LARGE1: variants seen among roughly 807,000 people sequenced by gnomAD.
The protein encoded by LARGE1 is LARGE xylosyl- and glucuronyltransferase 1, also known as xylosyl- and glucuronyltransferase LARGE1.
A neutral mutation model predicts 87.6 loss-of-function variants in LARGE1; 43 were observed. The ratio of observed to expected loss-of-function variants is 0.49; its 90% CI spans 0.38 to 0.63. The LOEUF (loss-of-function observed/expected upper bound fraction) is 0.63. LARGE1 is among the 30% of genes least tolerant of loss of function. The probability of loss-of-function intolerance (pLI) is 0.00; values close to 1 mark genes in which losing one functional copy is unlikely to be tolerated. For synonymous variants in LARGE1, 434 were observed against 394.6 expected, an observed-to-expected ratio of 1.10 and a Z score of -1.18; for missense variants, 802 against 1,000.2, an observed-to-expected ratio of 0.80 and a Z score of 2.67.
the LARGE1 span, among the ~76,000 whole-genome samples, chr22:33,124,395 A>AAGAAGGAAGGAAGG: frequency 6.8e-6 from 1 of 148,038 alleles, no homozygotes; most frequent in African/African-American, 2.5e-5. Context: ...GGAGGAAGGA[A>AAGAAGGAAGGAAGG]AATGATGGCT....
At chr22:33,133,219 T>C in the LARGE1 span, among the ~76,000 whole-genome samples, 4 of 152,016 alleles carry the variant, frequency 2.6e-5, no homozygotes, top group African/African-American at 4.8e-5. Context: ...CTGGGGTATA[T>C]GTGCAGAACG....
intron 4 of LARGE1, among the ~76,000 whole-genome samples, chr22:33,621,611 AT>A (rs915069552): frequency 6.6e-6 from 1 of 152,204 alleles, no homozygotes; most frequent in African/African-American, 2.4e-5. Context: ...TTGTCAATGT[AT>A]TTTATAACCA....
chr22:33,641,113 C>T (rs967097151), intron 3 of LARGE1, among the ~76,000 whole-genome samples: 7 of 152,180 alleles, frequency 4.6e-5, no homozygotes, highest in Admixed American at 3.9e-4. Context: ...ACTCCTGTGC[C>T]TCCTGATTGG....
chr22:33,214,613 G>A (rs559249160), intron 11 of LARGE1, among the ~76,000 whole-genome samples: 31 of 151,912 alleles, frequency 2.0e-4, no homozygotes, highest in African/African-American at 7.2e-4. Flanking sequence ...GTGGCCAGTC[G>A]CCAGCACACT....
chr22:33,587,928 C>T (rs1193431028), intron 5 of LARGE1, among the ~76,000 whole-genome samples: 2 of 152,072 alleles, frequency 1.3e-5, no homozygotes, highest in African/African-American at 4.8e-5. Context: ...ACATTAATGC[C>T]TTTTGTTGGA....
At chr22:33,654,376 G>A (rs1200558873) in intron 2 of LARGE1, among the ~76,000 whole-genome samples, 2 of 152,178 alleles carry the variant, frequency 1.3e-5, no homozygotes, top group Non-Finnish European at 2.9e-5. Flanking sequence ...GAAAGGCGGG[G>A]CCCTGGAGAT....
At chr22:33,908,593 C>A (rs2065528063) in intron 1 of LARGE1, among the ~76,000 whole-genome samples, 1 of 152,100 alleles carries the variant, frequency 6.6e-6, no homozygotes, top group Non-Finnish European at 1.5e-5. Context: ...AGGGCTGGTT[C>A]ATAACAAGCT....
In LARGE1 at chr22:33,817,076, G is replaced by GT. The variant is rs1474242130; in HGVS notation, c.-82-55519dup. Reference sequence around the variant, plus strand: ...TGTGTTTCTATACATACACACATGTGTATACGTATATAGACATACATACAT... The same window carrying GT: ...TGTGTTTCTATACATACACACATGTGTTATACGTATATAGACATACATACAT... On this transcript the variant is annotated intron_variant, in intron 1 of 14. Transcript: ENST00000397394. Among the ~76,000 whole-genome samples the GT allele has an allele frequency of 2.6e-5, 4 of 152,222 alleles. No homozygotes were observed. In the East Asian group the frequency reaches 7.7e-4, roughly 29 times the overall value.
chr22:33,533,379 C>T (rs2076951531), intron 6 of LARGE1, among the ~76,000 whole-genome samples: 1 of 152,176 alleles, frequency 6.6e-6, no homozygotes, highest in African/African-American at 2.4e-5. Context: ...TCCATTCGAG[C>T]ACCTTCCTTT....
chr22:33,882,133 C>T (rs926287932), intron 1 of LARGE1, among the ~76,000 whole-genome samples: 29 of 151,586 alleles, frequency 1.9e-4, no homozygotes, highest in Non-Finnish European at 3.4e-4. Flanking sequence ...AGCTCCGCCT[C>T]CCGGGTTCAC....
intron 1 of LARGE1, among the ~76,000 whole-genome samples, chr22:33,806,184 T>C (rs1382626285): frequency 6.6e-6 from 1 of 152,138 alleles, no homozygotes; most frequent in East Asian, 1.9e-4. Flanking sequence ...ATGAATGGGA[T>C]CAAACAATAT....
the LARGE1 span, among the ~76,000 whole-genome samples, chr22:33,079,198 C>G: frequency 1.4e-5 from 2 of 147,000 alleles, no homozygotes; most frequent in Admixed American, 1.4e-4. Context: ...TGACATAAGT[C>G]TCCATGATAT....
rs1377633248 is a variant in LARGE1 at position 33,519,646 on chromosome 22, C to T, written c.787+45202G>A. Among the ~76,000 whole-genome samples, 3 of 152,138 alleles carry T rather than the reference C, an allele frequency of 2.0e-5. No individual in the cohort carries two copies. The East Asian group carries it at 5.8e-4, about 29-fold the overall frequency. ...TCTCTCCCAGCTTTCTTTGAAATCA[C>T]TATTTTTACATCCTTGACTGCTCTT... On this transcript the variant is annotated intron_variant, in intron 6 of 14. Coordinates refer to ENST00000397394, the MANE Select transcript of LARGE1 (RefSeq NM_133642.5).
intron 4 of LARGE1, among the ~76,000 whole-genome samples, chr22:33,615,983 A>G (rs1240367141): frequency 1.3e-5 from 2 of 152,234 alleles, no homozygotes; most frequent in Non-Finnish European, 2.9e-5. Flanking sequence ...TACCCACTAG[A>G]ATGGCAAAAA....
chr22:33,733,115 C>T (rs2083529467), intron 2 of LARGE1: 1 of 152,218 alleles, frequency 6.6e-6, no homozygotes, highest in South Asian at 2.1e-4. Context: ...GAGTATTAAG[C>T]CACTCGAGGG....
chr22:33,093,813 T>C, the LARGE1 span, among the ~76,000 whole-genome samples: 10 of 140,018 alleles, frequency 7.1e-5, no homozygotes, highest in South Asian at 2.4e-4. Context: ...TCTTTTTTTT[T>C]CTTTCTTTCT....
intron 11 of LARGE1, among the ~76,000 whole-genome samples, chr22:33,311,161 T>C (rs545596728): frequency 6.6e-6 from 1 of 152,172 alleles, no homozygotes; most frequent in South Asian, 2.1e-4. Flanking sequence ...GGGGTTTCAC[T>C]GTGTTAGCCA....
chr22:33,882,672 A>G (rs2064731639), intron 1 of LARGE1, among the ~76,000 whole-genome samples: 1 of 152,244 alleles, frequency 6.6e-6, no homozygotes. Flanking sequence ...TCCACAGAGT[A>G]AAAGGATGCA....
intron 11 of LARGE1, among the ~76,000 whole-genome samples, chr22:33,244,893 C>T (rs115585220): frequency 0.033 from 5,001 of 152,082 alleles, 136 homozygotes; most frequent in East Asian, 0.13. Context: ...AACAACAGCC[C>T]CTGCCCTCAA....
Sources: allele counts gnomAD v4.1 joint callset (sites outside exome capture counted in the v4.1 genomes callset), GRCh38; gene constraint gnomAD v4.1.1; transcripts MANE v1.5; gene names NCBI Gene and HGNC (gene_info 2026-07-23, HGNC 2026-07-21).